PCDHGA5: variants seen among roughly 807,000 people sequenced by gnomAD.
PCDHGA5 encodes the protein protocadherin gamma subfamily A, 5, also known as protocadherin gamma-A5.
In PCDHGA5, 36 loss-of-function variants were observed where a neutral mutation model predicts 56.7. The observed-to-expected ratio is 0.64, with a 90% confidence interval of 0.49 to 0.84. The LOEUF is 0.84. Among genes scored for constraint, PCDHGA5 ranks in the 40% least tolerant of loss-of-function variants. The pLI, the probability that PCDHGA5 is intolerant of heterozygous loss-of-function variation, is 0.00. For missense variants in PCDHGA5, 1,305 were observed against 1,201.5 expected, an observed-to-expected ratio of 1.09 and a Z score of -1.27; for synonymous variants, 563 against 520.2, an observed-to-expected ratio of 1.08 and a Z score of -1.12.
chr5:141,468,330 CAA>C lies in PCDHGA5; in HGVS notation c.2422-26459_2422-26458del, dbSNP rs533390277. 202 of 79,822 alleles carry C rather than the reference CAA, an allele frequency of 2.5e-3. 2 individuals are homozygous for C. The highest frequency in any genetic ancestry group is 7.9e-3 in the Middle Eastern group (1 of 126). The allele number at this position is 79,822 out of a possible 1,614,324, so 4.9% of individuals were successfully genotyped here. Reference sequence around the variant, plus strand: ...ACAAGAGCAACGGTAAACTCCATCTCAAAAAAAAAAAAAAAAAAAGAAAGAAA... The same window carrying C: ...ACAAGAGCAACGGTAAACTCCATCTCAAAAAAAAAAAAAAAAAGAAAGAAA... On this transcript the variant is annotated intron_variant, in intron 1 of 3. Transcript: ENST00000518069.
Position 141,366,414 on chromosome 5 carries a change from T to A in PCDHGA5, c.2084T>A (p.Val695Glu), listed in dbSNP as rs1294202579. 1 of 1,614,124 alleles carries A rather than the reference T, an allele frequency of 6.2e-7. No homozygotes were observed. The highest frequency in any genetic ancestry group is 1.3e-5 in the African/African-American group (1 of 75,074). ...CTGGACCTCACACTCTATCTTGTGG[T>A]GGCAGTGGCTGCAGTCTCCTGCGTC... Reference protein sequence around the residue: ...EDLDLTLYLVVAVAAVSCVFL... With the variant: ...EDLDLTLYLVEAVAAVSCVFL... Residue 695 changes from valine to glutamate, a missense_variant, in exon 1 of 4, where the codon GTG (valine) becomes GAG (glutamate). By Grantham distance (121) the Val-to-Glu change is moderately radical. Transcript: ENST00000518069.
chr5:141,417,766 C>T (rs564920153), intron 1 of PCDHGA5: 7 of 1,442,472 alleles, frequency 4.9e-6, no homozygotes, highest in African/African-American at 4.3e-5. Context: ...AGACCCGGGA[C>T]TCCTCCTGTC....
rs141095222 is a variant in PCDHGA5, at chr5:141,496,668, C to T, written c.2480+1803C>T. Reference sequence around the variant, plus strand: ...CCCTTCCTTTGACCCCAGCTGTTGTCCTTCTCCCTGCTGGCCTTGCCAACC... The same window carrying T: ...CCCTTCCTTTGACCCCAGCTGTTGTTCTTCTCCCTGCTGGCCTTGCCAACC... On this transcript the variant is annotated intron_variant, in intron 2 of 3. Coordinates refer to ENST00000518069, the MANE Select transcript of PCDHGA5 (RefSeq NM_018918.3). Among the ~76,000 whole-genome samples the T allele has an allele frequency of 1.3e-3, 204 of 152,328 alleles. 1 individual carries two copies. The highest frequency in any genetic ancestry group is 5.6e-3 in the Admixed American group (85 of 15,298).
At chr5:141,380,197 G>A (rs1222877039) in intron 1 of PCDHGA5, among the ~76,000 whole-genome samples, 1 of 152,144 alleles carries the variant, frequency 6.6e-6, no homozygotes, top group East Asian at 1.9e-4. Flanking sequence ...ACTGAGCCCG[G>A]CCTGAAAGGC....
Position 141,477,209 on chromosome 5 carries a change from GC to G in PCDHGA5, c.2422-17594del. On this transcript the variant is annotated intron_variant, in intron 1 of 3. Transcript: ENST00000518069. The surrounding 1 kb of genome is among the most constrained non-coding windows in gnomAD (Gnocchi z 4.9). Reference sequence around the variant, plus strand: ...CGTGTACAGCCCAGTACCCGAGGATGCCCCTCTGGGGACTGTCATCGCTTTG... The same window carrying G: ...CGTGTACAGCCCAGTACCCGAGGATGCCCTCTGGGGACTGTCATCGCTTTG... The G allele has an allele frequency of 6.2e-7, 1 of 1,614,194 alleles. No homozygotes were observed. Among genetic ancestry groups the G allele is most frequent in the Non-Finnish European group, 8.5e-7 (1 of 1,180,038 alleles).
intron 1 of PCDHGA5, chr5:141,374,866 G>T (rs956228027): frequency 3.1e-6 from 5 of 1,613,750 alleles, no homozygotes; most frequent in Non-Finnish European, 4.2e-6. Context: ...GCACACCAGT[G>T]TTGGCAGTGA....
chr5:141,490,061 A>T lies in PCDHGA5; in HGVS notation c.2422-4746A>T. The stretch of plus-strand genomic sequence containing the variant: ...GCCACTGATCCAGACGAGGGCACCA[A>T]CGGCCAACTAGACTATTCTTTTGGA... On this transcript the variant is annotated intron_variant, in intron 1 of 3. Transcript: ENST00000518069. This position sits in a 1 kb window ranked among gnomAD's most constrained non-coding sequence, Gnocchi z 5.4. 1 of 1,614,214 alleles carries T rather than the reference A, an allele frequency of 6.2e-7. No homozygotes were observed. The highest frequency in any genetic ancestry group is 8.5e-7 in the Non-Finnish European group (1 of 1,180,030).
At chr5:141,460,134 T>TCAAAGA in intron 1 of PCDHGA5, among the ~76,000 whole-genome samples, 1 of 152,066 alleles carries the variant, frequency 6.6e-6, no homozygotes, top group South Asian at 2.1e-4. Flanking sequence ...AATATATATA[T>TCAAAGA]TCTTGATGTG....
At chr5:141,482,371 T>C (rs1191880709) in intron 1 of PCDHGA5, among the ~76,000 whole-genome samples, 2 of 152,100 alleles carry the variant, frequency 1.3e-5, no homozygotes, top group African/African-American at 2.4e-5. Flanking sequence ...AAGTAATGCA[T>C]ATAAAGTCCC....
chr5:141,499,466 G>C (rs1337970911), intron 2 of PCDHGA5, among the ~76,000 whole-genome samples: 1 of 152,034 alleles, frequency 6.6e-6, no homozygotes, highest in African/African-American at 2.4e-5. Flanking sequence ...TTACAATCTA[G>C]GGAGAACCAC....
chr5:141,423,071 C>T, intron 1 of PCDHGA5: 2 of 1,614,120 alleles, frequency 1.2e-6, no homozygotes, highest in South Asian at 1.1e-5. Flanking sequence ...GCCAGCGAGC[C>T]GGGACTCTTC....
At position 141,494,872 on chromosome 5, in the gene PCDHGA5, G is replaced by T. The variant is rs917132299; in HGVS notation, c.2480+7G>T. On this transcript the variant is annotated splice_region_variant and intron_variant, in intron 2 of 3. Transcript: ENST00000518069. The stretch of plus-strand genomic sequence containing the variant: ...AGAGACCCGGCACCAGCGGGTAGGT[G>T]ACTGATTCTCCAGCCCACCCTCTTC... 7 of 1,614,010 alleles carry T rather than the reference G, an allele frequency of 4.3e-6. No homozygotes were observed. The highest frequency in any genetic ancestry group is 1.3e-5 in the African/African-American group (1 of 74,910).
rs2099725414 is a variant in PCDHGA5, at chr5:141,491,703, GA to G, written c.2422-3103del. On this transcript the variant is annotated intron_variant, in intron 1 of 3. Coordinates refer to ENST00000518069, the MANE Select transcript of PCDHGA5 (RefSeq NM_018918.3). The surrounding 1 kb of genome is among the most constrained non-coding windows in gnomAD (Gnocchi z 6.9). ...ATACGCTGCGGGAGCGGAGCCAGGT[GA>G]GGGGCTCGGCGCCGCCCCGGGCGAC... is the stretch of plus-strand genomic sequence containing the variant. The G allele has an allele frequency of 3.7e-6, 6 of 1,611,396 alleles. No homozygotes were observed.
At chr5:141,403,686 G>T in intron 1 of PCDHGA5, 1 of 1,613,824 alleles carries the variant, frequency 6.2e-7, no homozygotes, top group Non-Finnish European at 8.5e-7. Context: ...TTTGCTCAAC[G>T]GATTTACCGA....
At chr5:141,404,205 A>G in intron 1 of PCDHGA5, 3 of 1,613,770 alleles carry the variant, frequency 1.9e-6, no homozygotes, top group Non-Finnish European at 1.7e-6. Context: ...GCCTCAGAAT[A>G]TAATATCACG....
intron 1 of PCDHGA5, chr5:141,418,454 ACTCTG>A (rs2096260396): frequency 3.1e-6 from 5 of 1,613,892 alleles, no homozygotes; most frequent in Non-Finnish European, 4.2e-6. Context: ...ATTGCAGAAG[ACTCTG>A]GACCGAGAAA....
At chr5:141,438,739 G>A (rs1264194876) in intron 1 of PCDHGA5, among the ~76,000 whole-genome samples, 1 of 149,040 alleles carries the variant, frequency 6.7e-6, no homozygotes, top group African/African-American at 2.5e-5. Context: ...TCAGCTCACT[G>A]CAACCTCTGC....
rs374131113 is a variant in PCDHGA5 at position 141,366,708 on chromosome 5, T to C, written c.2378T>C (p.Met793Thr). ...ESCEKSEPLL[M>T]SDKVDANKEE... is the part of the protein sequence containing the mutation. ...TGTGAGAAAAGCGAGCCTCTTCTGATGTCTGATAAGGTAGATGCAAACAAA... is the reference window on the plus strand; with the variant it reads ...TGTGAGAAAAGCGAGCCTCTTCTGACGTCTGATAAGGTAGATGCAAACAAA... The change falls in exon 1 of 4, where the codon ATG becomes ACG. Residue 793 changes from methionine to threonine, a missense_variant. By Grantham distance (81) the Met-to-Thr change is moderately conservative. Coordinates refer to ENST00000518069, the MANE Select transcript of PCDHGA5 (RefSeq NM_018918.3). 3.3e-5 allele frequency: 54 copies of C among 1,614,238 alleles called. No homozygotes were observed. In the African/African-American group the frequency reaches 5.9e-4, roughly 18 times the overall value.
chr5:141,398,472 C>T (rs2093659150), intron 1 of PCDHGA5: 1 of 1,606,348 alleles, frequency 6.2e-7, no homozygotes, highest in Non-Finnish European at 8.5e-7. Context: ...ATCCACTGAA[C>T]TTTTATCACG....
Sources: allele counts gnomAD v4.1 joint callset (sites outside exome capture counted in the v4.1 genomes callset), GRCh38; gene constraint gnomAD v4.1.1; non-coding constraint Gnocchi (gnomAD v3.1); transcripts MANE v1.5; gene names NCBI Gene and HGNC (gene_info 2026-07-23, HGNC 2026-07-21).